LCLAT1: variants seen among roughly 807,000 people sequenced by gnomAD.
LCLAT1 encodes the protein lysocardiolipin acyltransferase 1, also known as 1-AGP acyltransferase 8.
A neutral mutation model predicts 30.7 loss-of-function variants in LCLAT1; 11 were observed. That is an observed-to-expected ratio of 0.36 (90% confidence interval 0.23 to 0.59). The LOEUF (loss-of-function observed/expected upper bound fraction) is 0.59. Ranked by LOEUF, LCLAT1 falls within the 20% of genes least tolerant of loss-of-function variation. The pLI is 0.77. For synonymous variants in LCLAT1, 155 were observed against 151.3 expected (o/e 1.02, Z -0.18); for missense variants, 402 against 458.6 (o/e 0.88, Z 1.13).
intron 3 of LCLAT1, among the ~76,000 whole-genome samples, chr2:30,539,265 T>C (rs1663996844): frequency 6.8e-6 from 1 of 147,876 alleles, no homozygotes; most frequent in Non-Finnish European, 1.5e-5. Flanking sequence ...TTTTTTTTTT[T>C]TTTTTTTTAA....
intron 5 of LCLAT1, among the ~76,000 whole-genome samples, chr2:30,614,145 C>T (rs1235433453): frequency 2.0e-5 from 1 of 50,962 alleles, no homozygotes; most frequent in East Asian, 4.7e-4. Context: ...TGCGGCCTTC[C>T]GCAGTTTTTG....
intron 1 of LCLAT1, among the ~76,000 whole-genome samples, chr2:30,461,286 A>C (rs1682110252): frequency 6.6e-6 from 1 of 152,170 alleles, no homozygotes; most frequent in Non-Finnish European, 1.5e-5. Flanking sequence ...TTGGTCTCAG[A>C]GTGCAGTGTG....
Position 30,511,737 on chromosome 2 carries a change from A to T in LCLAT1, c.-4-13850A>T, listed in dbSNP as rs114607415. Among the ~76,000 whole-genome samples the T allele has an allele frequency of 6.9e-3, 1,057 of 152,282 alleles. 11 individuals carry two copies. Among genetic ancestry groups the T allele is most frequent in the African/African-American group, 0.024 (1,003 of 41,554 alleles). ...CCATGCCCTAAACTGTGCATTTCCT[A>T]ATTGGGAAACTCTGTTTTACCTTCT... On this transcript the variant is annotated intron_variant, in intron 1 of 5. Transcript: ENST00000379509.
intron 5 of LCLAT1, among the ~76,000 whole-genome samples, chr2:30,610,090 C>T (rs191432398): frequency 6.6e-6 from 1 of 152,096 alleles, no homozygotes; most frequent in African/African-American, 2.4e-5. Flanking sequence ...GCCATACCCC[C>T]TGCATTTTTC....
At chr2:30,568,260 A>G in intron 5 of LCLAT1, 84 bp downstream of exon 5, 1 of 606,168 alleles carries the variant, frequency 1.6e-6, no homozygotes, top group Non-Finnish European at 2.9e-6. Flanking sequence ...GAGTTTGTAA[A>G]GGATTTTTTA....
intron 1 of LCLAT1, chr2:30,476,375 C>T: frequency 2.2e-6 from 1 of 456,606 alleles, no homozygotes; most frequent in Non-Finnish European, 4.4e-6. Context: ...GGCAGGACAG[C>T]AATCAAAGTT....
At chr2:30,544,581 C>T (rs1278824549) in intron 3 of LCLAT1, among the ~76,000 whole-genome samples, 4 of 152,146 alleles carry the variant, frequency 2.6e-5, no homozygotes, top group African/African-American at 4.8e-5. Context: ...TTTGGATTAT[C>T]CTTTCCTTCC....
In LCLAT1 at chr2:30,643,880, G is replaced by C. The variant is rs1358856880; in HGVS notation, c.*3261G>C. ...AAATGGTCTCTAAACACTGGTCACT[G>C]TAGCAGGTAAACACTACTCTAACGT... On this transcript the variant is annotated 3_prime_UTR_variant, in exon 6 of 6. Transcript: ENST00000379509. 2 of 152,636 alleles carry C rather than the reference G, an allele frequency of 1.3e-5. No individual in the cohort carries two copies. Among genetic ancestry groups the C allele is most frequent in the African/African-American group, 4.8e-5 (2 of 41,464 alleles). 9.5% of individuals were successfully genotyped at this position (152,636 alleles called of 1,614,324 possible).
At chr2:30,489,987 T>C (rs1334264090) in intron 1 of LCLAT1, among the ~76,000 whole-genome samples, 1 of 152,242 alleles carries the variant, frequency 6.6e-6, no homozygotes, top group African/African-American at 2.4e-5. Flanking sequence ...TCAGTATGTA[T>C]ACTCTGCACC....
At chr2:30,499,742 A>G (rs547384554) in intron 1 of LCLAT1, among the ~76,000 whole-genome samples, 2 of 152,346 alleles carry the variant, frequency 1.3e-5, no homozygotes, top group Admixed American at 6.5e-5. Context: ...CCATCTGTAT[A>G]TCCTATAAAT....
chr2:30,628,792 GA>G (rs1423341718), intron 5 of LCLAT1, among the ~76,000 whole-genome samples: 1 of 151,956 alleles, frequency 6.6e-6, no homozygotes, highest in Non-Finnish European at 1.5e-5. Flanking sequence ...AAGGCTAAAA[GA>G]AAAAAACGTA....
chr2:30,491,774 T>G (rs766931967), intron 1 of LCLAT1, among the ~76,000 whole-genome samples: 1 of 152,180 alleles, frequency 6.6e-6, no homozygotes, highest in Non-Finnish European at 1.5e-5. Flanking sequence ...GTGGTAGTAC[T>G]CCACAACTTT....
chr2:30,524,400 C>T (rs748893580), intron 1 of LCLAT1, among the ~76,000 whole-genome samples: 2 of 152,216 alleles, frequency 1.3e-5, no homozygotes, highest in Non-Finnish European at 2.9e-5. Context: ...TTTCAATGTA[C>T]TCTGCTAACT....
intron 5 of LCLAT1, among the ~76,000 whole-genome samples, chr2:30,600,003 A>G (rs926435757): frequency 6.6e-6 from 1 of 152,174 alleles, no homozygotes; most frequent in Non-Finnish European, 1.5e-5. Flanking sequence ...GTTGTTTCAC[A>G]GTGTCATTGG....
chr2:30,557,630 G>C (rs942074735), intron 3 of LCLAT1, among the ~76,000 whole-genome samples: 1 of 151,934 alleles, frequency 6.6e-6, no homozygotes, highest in African/African-American at 2.4e-5. Flanking sequence ...GGCCAGGCTG[G>C]TCTCGAACTC....
chr2:30,577,473 A>G (rs1666047901), intron 5 of LCLAT1, among the ~76,000 whole-genome samples: 1 of 152,136 alleles, frequency 6.6e-6, no homozygotes, highest in Non-Finnish European at 1.5e-5. Flanking sequence ...GTGCATATGT[A>G]CACAAAATGC....
intron 5 of LCLAT1, among the ~76,000 whole-genome samples, chr2:30,589,418 T>C (rs983306171): frequency 1.3e-5 from 2 of 151,750 alleles, no homozygotes; most frequent in African/African-American, 2.4e-5. Flanking sequence ...ATAACGAGTA[T>C]GTTTATCCTA....
intron 5 of LCLAT1, among the ~76,000 whole-genome samples, chr2:30,605,593 G>A (rs1667399602): frequency 6.6e-6 from 1 of 152,122 alleles, no homozygotes; most frequent in Admixed American, 6.6e-5. Context: ...AATTTTAAAA[G>A]AATTCTGAGA....
chr2:30,493,382 T>TA (rs1178439032), intron 1 of LCLAT1, among the ~76,000 whole-genome samples: 7 of 152,152 alleles, frequency 4.6e-5, no homozygotes, highest in African/African-American at 1.2e-4. Context: ...AGAATGTACA[T>TA]AAAAAACTGA....
Sources: gnomAD v4.1 joint callset for allele counts (sites outside exome capture counted in the v4.1 genomes callset) on GRCh38, gnomAD v4.1.1 for gene constraint, MANE v1.5 for transcripts, NCBI Gene and HGNC (gene_info 2026-07-23, HGNC 2026-07-21) for gene names.